RXFP2: variants seen among roughly 807,000 people sequenced by gnomAD.
RXFP2 encodes the protein relaxin family peptide receptor 2, also known as relaxin receptor 2.
Under a neutral mutation model 88.6 loss-of-function variants are expected in RXFP2, and 68 were observed. The observed-to-expected ratio is 0.77, with a 90% CI of 0.63 to 0.94. The LOEUF (loss-of-function observed/expected upper bound fraction) is 0.94. Ranked by LOEUF, RXFP2 falls within the 40% of genes least tolerant of loss-of-function variation. The probability of loss-of-function intolerance (pLI) is 0.00; values close to 1 mark genes in which losing one functional copy is unlikely to be tolerated. For synonymous variants in RXFP2, 329 were observed against 306.8 expected, an observed-to-expected ratio of 1.07 and a Z score of -0.76; for missense variants, 791 against 893.9, an observed-to-expected ratio of 0.88 and a Z score of 1.47.
intron 2 of RXFP2, among the ~76,000 whole-genome samples, chr13:31,759,013 C>G (rs1253963478): frequency 6.6e-6 from 1 of 151,474 alleles, no homozygotes; most frequent in Non-Finnish European, 1.5e-5. Flanking sequence ...CACCACTGCA[C>G]TCCAGCCTGG....
chr13:31,783,596 C>T (rs1433664716), intron 11 of RXFP2, among the ~76,000 whole-genome samples: 1 of 152,130 alleles, frequency 6.6e-6, no homozygotes, highest in African/African-American at 2.4e-5. Context: ...ATCAAATCCA[C>T]ACATATTTAT....
chr13:31,783,344 A>C (rs1303632640), intron 11 of RXFP2, among the ~76,000 whole-genome samples: 1 of 152,220 alleles, frequency 6.6e-6, no homozygotes, highest in Non-Finnish European at 1.5e-5. Context: ...TGCTCCCCAC[A>C]TAATTGTGTA....
At chr13:31,775,171 G>C in intron 6 of RXFP2, 147 bp from the exon 7 acceptor site, 1 of 706,406 alleles carries the variant, frequency 1.4e-6, no homozygotes, top group Non-Finnish European at 2.5e-6. Flanking sequence ...GATACCCCTT[G>C]AATTTGCCCC....
At position 31,791,926 on chromosome 13, in the gene RXFP2, C is replaced by T; in HGVS notation, c.1266C>T (p.Val422=). The stretch of plus-strand genomic sequence containing the variant: ...CTAACAATATCCTCAGAATATTTGT[C>T]TGGGTTATAGCTTTCATTACCTGCT... ...LLANNILRIF[V]WVIAFITCFG... The change falls in exon 15 of 18, where the codon GTC becomes GTT. Residue 422 remains valine, a synonymous_variant. Transcript: ENST00000298386. 1.2e-6 allele frequency: 2 copies of T among 1,614,070 alleles called. No individual in the cohort carries two copies. Among genetic ancestry groups the T allele is most frequent in the Admixed American group, 1.7e-5 (1 of 60,022 alleles).
At chr13:31,774,491 A>G in intron 5 of RXFP2, 129 bp from the exon 6 acceptor site, 1 of 701,762 alleles carries the variant, frequency 1.4e-6, no homozygotes, top group Non-Finnish European at 2.6e-6. Flanking sequence ...CATCTCCCCA[A>G]CATGAGAATA....
At chr13:31,754,544 A>C (rs1871841967) in intron 1 of RXFP2, among the ~76,000 whole-genome samples, 1 of 152,190 alleles carries the variant, frequency 6.6e-6, no homozygotes, top group African/African-American at 2.4e-5. Flanking sequence ...AAGAAAAAAA[A>C]AAGCAACTCA....
chr13:31,780,738 G>A lies in RXFP2; in HGVS notation c.786-933G>A, dbSNP rs146099811. 1.5e-3 allele frequency among the ~76,000 whole-genome samples: 231 copies of A among 152,312 alleles called. 2 individuals carry two copies. The highest frequency in any genetic ancestry group is 5.1e-3 in the African/African-American group (210 of 41,558). Reference sequence around the variant, plus strand: ...GGAATGTCAGAGTGTTCCGGAAGGCGCTGTCCACGTATGTGGGATGCCACT... The same window carrying A: ...GGAATGTCAGAGTGTTCCGGAAGGCACTGTCCACGTATGTGGGATGCCACT... On this transcript the variant is annotated intron_variant, in intron 9 of 17. Transcript: ENST00000298386.
At chr13:31,802,101 A>G in intron 17 of RXFP2, 45 bp from the exon 18 acceptor site, 4 of 1,593,852 alleles carry the variant, frequency 2.5e-6, no homozygotes, top group East Asian at 2.2e-5. Flanking sequence ...TTTTATGTCT[A>G]TTTAAAACTT....
At chr13:31,786,743 CA>C (rs1873564334) in intron 13 of RXFP2, 106 bp downstream of exon 13, 1 of 727,598 alleles carries the variant, frequency 1.4e-6, no homozygotes, top group African/African-American at 1.8e-5. Context: ...GCATTTCAGA[CA>C]ACTGTCTGAA....
intron 16 of RXFP2, among the ~76,000 whole-genome samples, chr13:31,793,563 C>A (rs893868892): frequency 6.6e-6 from 1 of 151,890 alleles, no homozygotes; most frequent in African/African-American, 2.4e-5. Context: ...GCTGTTAAGT[C>A]AGCAATGTAA....
intron 7 of RXFP2, among the ~76,000 whole-genome samples, chr13:31,777,052 A>G (rs1873020617): frequency 1.3e-5 from 2 of 152,184 alleles, no homozygotes; most frequent in African/African-American, 4.8e-5. Context: ...ATGGAGCCCA[A>G]ATGCATTCAA....
intron 11 of RXFP2, among the ~76,000 whole-genome samples, chr13:31,783,983 A>ATTTTTTTTTTTTTTTTTTT (rs10686799): frequency 1.1e-4 from 13 of 121,560 alleles, no homozygotes; most frequent in Non-Finnish European, 2.0e-4. Flanking sequence ...TGCCTGGCTA[A>ATTTTTTTTTTTTTTTTTTT]TTTTTTTTTT....
At chr13:31,771,486 C>T (rs1430854485) in intron 5 of RXFP2, among the ~76,000 whole-genome samples, 1 of 152,120 alleles carries the variant, frequency 6.6e-6, no homozygotes, top group East Asian at 1.9e-4. Flanking sequence ...AAACCATCCC[C>T]CCTCTCCATC....
chr13:31,776,312 C>T (rs1318159856), intron 7 of RXFP2, among the ~76,000 whole-genome samples: 1 of 128,348 alleles, frequency 7.8e-6, no homozygotes, highest in Non-Finnish European at 1.6e-5. Flanking sequence ...CTGGAGTGCA[C>T]TGGTACAATC....
intron 1 of RXFP2, among the ~76,000 whole-genome samples, chr13:31,750,860 G>T (rs1476502681): frequency 6.6e-6 from 1 of 152,214 alleles, no homozygotes; most frequent in Non-Finnish European, 1.5e-5. Flanking sequence ...TGACTTACTT[G>T]TATGGTTCTT....
At chr13:31,782,979 G>A (rs187295553) in intron 11 of RXFP2, among the ~76,000 whole-genome samples, 9 of 152,162 alleles carry the variant, frequency 5.9e-5, no homozygotes, top group Non-Finnish European at 1.0e-4. Flanking sequence ...TTTTCTTTGG[G>A]TGATTTCTTA....
chr13:31,745,933 G>A (rs2138383087), intron 1 of RXFP2, among the ~76,000 whole-genome samples: 1 of 152,298 alleles, frequency 6.6e-6, no homozygotes, highest in Non-Finnish European at 1.5e-5. Flanking sequence ...TAAGAGATTA[G>A]GAGACGGGAG....
At chr13:31,743,061 A>T (rs1328575381) in intron 1 of RXFP2, among the ~76,000 whole-genome samples, 2 of 152,352 alleles carry the variant, frequency 1.3e-5, no homozygotes, top group African/African-American at 4.8e-5. Flanking sequence ...TATTTTAAAA[A>T]ATTAAGTTTG....
rs563253964 is a variant in RXFP2 at position 31,792,814 on chromosome 13, G to A, written c.1512G>A (p.Leu504=). 1.7e-5 allele frequency: 27 copies of A among 1,614,136 alleles called. 1 individual carries two copies. The highest frequency in any genetic ancestry group is 3.3e-5 in the Admixed American group (2 of 60,022). The change falls in exon 16 of 18, where the codon CTG becomes CTA. Residue 504 remains leucine, a synonymous_variant. Transcript: ENST00000298386. ...GCCTCATGGGGTTCCTGGCCATGCT[G>A]TCCACCGAAGTCTCTGTTCTGCTAC... ...QCRLMGFLAM[L]STEVSVLLLT...
Sources: allele counts gnomAD v4.1 joint callset (sites outside exome capture counted in the v4.1 genomes callset), GRCh38; gene constraint gnomAD v4.1.1; transcripts MANE v1.5; gene names NCBI Gene and HGNC (gene_info 2026-07-23, HGNC 2026-07-21).